Variants in PCSK9 observed in about 807,000 individuals in gnomAD.
PCSK9 encodes the protein proprotein convertase subtilisin/kexin type 9.
In PCSK9, 57 loss-of-function variants were observed where a neutral mutation model predicts 62.1. The ratio of observed to expected loss-of-function variants is 0.92; its 90% CI spans 0.74 to 1.14. The LOEUF (loss-of-function observed/expected upper bound fraction) is 1.14. Ranked by LOEUF, PCSK9 falls within the 50% of genes most tolerant of loss-of-function variation. The probability of loss-of-function intolerance (pLI) is 0.00; values close to 1 mark genes in which losing one functional copy is unlikely to be tolerated. For missense variants in PCSK9, 870 were observed against 959.8 expected (o/e 0.91, Z 1.24); for synonymous variants, 387 against 409.4 (o/e 0.95, Z 0.66).
chr1:55,041,284 G>A (rs1315701272), intron 1 of PCSK9, among the ~76,000 whole-genome samples: 3 of 152,210 alleles, frequency 2.0e-5, no homozygotes, highest in African/African-American at 4.8e-5. Flanking sequence ...GCCTGCCCAC[G>A]CTTCTGTCTG....
intron 11 of PCSK9, among the ~76,000 whole-genome samples, chr1:55,062,039 CACT>C (rs1366898071): frequency 6.6e-6 from 1 of 152,170 alleles, no homozygotes; most frequent in Non-Finnish European, 1.5e-5. Context: ...TCAGGAGCAG[CACT>C]GGGCTCTGAG....
rs1465575075 is a variant in PCSK9, at chr1:55,040,123, TC to T, written c.207+85del. 4.0e-6 allele frequency: 6 copies of T among 1,499,890 alleles called. No individual in the cohort carries two copies. The Admixed American group carries it at 1.2e-4, about 30-fold the overall frequency. The allele number at this position is 1,499,890 out of a possible 1,614,324, so 92.9% of individuals were successfully genotyped here. A position where few individuals can be genotyped will look rare whatever the true frequency, so the allele number is the denominator to read the frequency against. On this transcript the variant is annotated intron_variant, in intron 1 of 11. Coordinates refer to ENST00000302118, the MANE Select transcript of PCSK9 (RefSeq NM_174936.4). The surrounding 1 kb of genome is among the most constrained non-coding windows in gnomAD (Gnocchi z 4.1). ...TGCTGTTTCCTCTCGGGCCTCAGTT[TC>T]CCCCCATGTAAGAGAGGAAGTGGAG...
intron 3 of PCSK9, among the ~76,000 whole-genome samples, chr1:55,050,619 C>A (rs1224720112): frequency 6.6e-6 from 1 of 152,108 alleles, no homozygotes; most frequent in Non-Finnish European, 1.5e-5. Context: ...GACTGGAGGC[C>A]TTAGGGCAGG....
Position 55,040,070 on chromosome 1 carries a change from G to A in PCSK9, c.207+26G>A. 1.3e-6 allele frequency: 2 copies of A among 1,548,088 alleles called. No individual in the cohort carries two copies. The highest frequency in any genetic ancestry group is 1.7e-6 in the Non-Finnish European group (2 of 1,145,914). On this transcript the variant is annotated intron_variant, in intron 1 of 11. Coordinates refer to ENST00000302118, the MANE Select transcript of PCSK9 (RefSeq NM_174936.4). The surrounding 1 kb of genome is among the most constrained non-coding windows in gnomAD (Gnocchi z 4.1). ...GTGCGGGTGTAGGGATGGGAGGCCG[G>A]GGCGAACCCGCAGCCGGGACGGTGC...
Position 55,039,995 on chromosome 1 carries a change from C to A in PCSK9, c.158C>A (p.Ala53Asp). The A allele has an allele frequency of 1.9e-6, 3 of 1,578,202 alleles. No individual in the cohort carries two copies. Among genetic ancestry groups the A allele is most frequent in the East Asian group, 2.3e-5 (1 of 42,912 alleles). ...LALRSEEDGL[A>D]EAPEHGTTAT... is the part of the protein sequence containing the mutation. ...TTGCGTTCCGAGGAGGACGGCCTGG[C>A]CGAAGCACCCGAGCACGGAACCACA... The change falls in exon 1 of 12, where the codon GCC becomes GAC. Residue 53 changes from alanine (A) to aspartate (D), a missense_variant. By Grantham distance (126) the Ala-to-Asp change is moderately radical. Transcript: ENST00000302118.
intron 5 of PCSK9, among the ~76,000 whole-genome samples, chr1:55,054,079 G>T (rs1442007193): frequency 6.6e-6 from 1 of 152,198 alleles, no homozygotes; most frequent in Non-Finnish European, 1.5e-5. Flanking sequence ...CACACAGCAG[G>T]TGCTTAATAA....
Position 55,056,239 on chromosome 1 carries a change from G to A in PCSK9, c.996+50G>A. The A allele has an allele frequency of 7.3e-6, 7 of 957,722 alleles. No individual in the cohort carries two copies. The African/African-American group carries it at 1.6e-4, about 21-fold the overall frequency. The allele number at this position is 957,722 out of a possible 1,614,324, so 59.3% of individuals were successfully genotyped here. ...AGGCGCGGGTAGGGGGCGGAGGGCG[G>A]AGGGCGGAGGGAGGGCGGGCGGGCA... On this transcript the variant is annotated intron_variant, in intron 6 of 11. Coordinates refer to ENST00000302118, the MANE Select transcript of PCSK9 (RefSeq NM_174936.4).
intron 11 of PCSK9, 43 bp downstream of exon 11, chr1:55,061,599 C>T (rs766028349): frequency 6.4e-7 from 1 of 1,553,490 alleles, no homozygotes. Context: ...TGCTGCGTGT[C>T]TCTCCTGCAC....
chr1:55,061,465 A>G lies in PCSK9; in HGVS notation c.1772A>G (p.His591Arg), dbSNP rs774174877. 1.2e-6 allele frequency: 2 copies of G among 1,607,804 alleles called. No homozygotes were observed. Among genetic ancestry groups the G allele is most frequent in the East Asian group, 4.5e-5 (2 of 44,692 alleles). ...GGTCAGCCCAACCAGTGCGTGGGCC[A>G]CAGGGAGGCCAGCATCCACGCTTCC... ...PRGQPNQCVG[H>R]REASIHASCC... The change falls in exon 11 of 12, where the codon CAC becomes CGC. Residue 591 changes from histidine to arginine, a missense_variant. Coordinates refer to ENST00000302118, the MANE Select transcript of PCSK9 (RefSeq NM_174936.4).
chr1:55,057,340 G>T lies in PCSK9; in HGVS notation c.1006G>T (p.Val336Phe). 4.3e-6 allele frequency: 7 copies of T among 1,613,922 alleles called. No individual in the cohort carries two copies. Among genetic ancestry groups the T allele is most frequent in the Admixed American group, 1.7e-5 (1 of 60,034 alleles). ...SPASAPEVIT[V>F]GATNAQDQPV... Reference sequence around the variant, plus strand: ...CTCCTCACCTTTCCAGGTCATCACAGTTGGGGCCACCAATGCCCAAGACCA... The same window carrying T: ...CTCCTCACCTTTCCAGGTCATCACATTTGGGGCCACCAATGCCCAAGACCA... The change falls in exon 7 of 12, where the codon GTT becomes TTT. Residue 336 changes from valine (V) to phenylalanine (F), a missense_variant. By Grantham distance (50) the Val-to-Phe change is conservative. Transcript: ENST00000302118.
Position 55,063,847 on chromosome 1 carries a change from G to T in PCSK9, c.*263G>T. 1 of 555,556 alleles carries T rather than the reference G, an allele frequency of 1.8e-6. No individual in the cohort carries two copies. Among genetic ancestry groups the T allele is most frequent in the Non-Finnish European group, 3.2e-6 (1 of 310,678 alleles). The allele number at this position is 555,556 out of a possible 1,614,324, so 34.4% of individuals were successfully genotyped here. A position where few individuals can be genotyped will look rare whatever the true frequency, so the allele number is the denominator to read the frequency against. On this transcript the variant is annotated 3_prime_UTR_variant, in exon 12 of 12. Transcript: ENST00000302118. ...GTGGGGCATTTCACCATTCAAACAG[G>T]TCGAGCTGTGCTCGGGTGCTGCCAG...
intron 4 of PCSK9, 108 bp downstream of exon 4, chr1:55,052,519 C>T: frequency 2.1e-6 from 3 of 1,460,486 alleles, no homozygotes; most frequent in South Asian, 1.2e-5. Flanking sequence ...TGGGTTGCAC[C>T]CCCCCCAGCT....
rs1644744035 is a variant in PCSK9, at chr1:55,059,648, G to A, written c.1666G>A (p.Gly556Ser). The A allele has an allele frequency of 6.4e-7, 1 of 1,550,796 alleles. No individual in the cohort carries two copies. The change falls in exon 10 of 12, where the codon GGC (glycine) becomes AGC (serine). Residue 556 changes from glycine (G) to serine (S), a missense_variant. Coordinates refer to ENST00000302118, the MANE Select transcript of PCSK9 (RefSeq NM_174936.4). ...MGTRVHCHQQ[G>S]HVLTGCSSHW... ...GACCCGTGTCCACTGCCACCAACAG[G>A]GCCACGTCCTCACAGGTAGGAGGCT...
In PCSK9 at chr1:55,043,851, G is replaced by A; in HGVS notation, c.216G>A (p.Trp72Ter). The A allele has an allele frequency of 6.2e-7, 1 of 1,614,148 alleles. No homozygotes were observed. The highest frequency in any genetic ancestry group is 8.5e-7 in the Non-Finnish European group (1 of 1,180,046). The change falls in exon 2 of 12, where the codon TGG becomes TGA. Residue 72 changes from tryptophan (W) to a stop codon, truncating the protein, a stop_gained. Coordinates refer to ENST00000302118, the MANE Select transcript of PCSK9 (RefSeq NM_174936.4). LOFTEE classifies it high-confidence loss of function. The part of the protein sequence containing the change: ...ATFHRCAKDP[W>*]RLPGTYVVVL... ...TCCTTGCATGGGGCCAGGATCCGTGGAGGTTGCCTGGCACCTACGTGGTGG... is the reference window on the plus strand; with the variant it reads ...TCCTTGCATGGGGCCAGGATCCGTGAAGGTTGCCTGGCACCTACGTGGTGG...
At position 55,058,635 on chromosome 1, in the gene PCSK9, C is replaced by T. The variant is rs147599496; in HGVS notation, c.1491C>T (p.Gly497=). Residue 497 remains glycine, a synonymous_variant, in exon 9 of 12, where the codon GGC becomes GGT. Transcript: ENST00000302118. ...TCTCCAGGAGTGGGAAGCGGCGGGG[C>T]GAGCGCATGGAGGTGACTGTACCCC... ...SSFSRSGKRR[G]ERMEAQGGKL... The T allele has an allele frequency of 2.2e-4, 353 of 1,607,998 alleles. No homozygotes were observed. Among genetic ancestry groups the T allele is most frequent in the African/African-American group, 2.4e-4 (18 of 73,974 alleles).
At chr1:55,060,809 C>T (rs1315209968) in intron 10 of PCSK9, among the ~76,000 whole-genome samples, 2 of 152,240 alleles carry the variant, frequency 1.3e-5, no homozygotes, top group Non-Finnish European at 2.9e-5. Context: ...GTTCAGAGCA[C>T]ATGCCAGGCT....
Position 55,056,018 on chromosome 1 carries a change from G to A in PCSK9, c.825G>A (p.Gln275=). The A allele has an allele frequency of 6.2e-7, 1 of 1,610,236 alleles. No individual in the cohort carries two copies. The highest frequency in any genetic ancestry group is 8.5e-7 in the Non-Finnish European group (1 of 1,177,704). ...GCCTGGAGTTTATTCGGAAAAGCCA[G>A]CTGGTCCAGCCTGTGGGGCCACTGG... The part of the protein sequence containing the change: ...LIGLEFIRKS[Q]LVQPVGPLVV... Residue 275 remains glutamine (Q), a synonymous_variant, in exon 6 of 12, where the codon CAG becomes CAA. Transcript: ENST00000302118.
At chr1:55,046,793 C>A in intron 3 of PCSK9, 147 bp downstream of exon 3, 1 of 870,958 alleles carries the variant, frequency 1.1e-6, no homozygotes, top group South Asian at 1.7e-5. Flanking sequence ...TCTGTCCCAT[C>A]CCCATCCCCT....
In PCSK9 at chr1:55,044,017, G is replaced by A. The variant is rs766314770; in HGVS notation, c.382G>A (p.Gly128Ser). The change falls in exon 2 of 12, where the codon GGC (glycine) becomes AGC (serine). Residue 128 changes from glycine (G) to serine (S), a missense_variant. By Grantham distance (56) the Gly-to-Ser change is moderately conservative (BLOSUM62 0). Transcript: ENST00000302118. ...LLPGFLVKMS[G>S]DLLELALKLP... Reference sequence around the variant, plus strand: ...TCCTGGCTTCCTGGTGAAGATGAGTGGCGACCTGCTGGAGCTGGTGAGCCA... The same window carrying A: ...TCCTGGCTTCCTGGTGAAGATGAGTAGCGACCTGCTGGAGCTGGTGAGCCA... 32 of 1,614,200 alleles carry A rather than the reference G, an allele frequency of 2.0e-5. No homozygotes were observed. In the South Asian group the frequency reaches 3.0e-4, roughly 15 times the overall value.
Sources: gnomAD v4.1 joint callset for allele counts (sites outside exome capture counted in the v4.1 genomes callset) on GRCh38, gnomAD v4.1.1 for gene constraint, Gnocchi (gnomAD v3.1) non-coding constraint, MANE v1.5 for transcripts, NCBI Gene and HGNC (gene_info 2026-07-23, HGNC 2026-07-21) for gene names.